The following SLC24A3 variants were observed in gnomAD, a reference collection of about 807,000 sequenced individuals.
The protein encoded by SLC24A3 is sodium/potassium/calcium exchanger 3.
SLC24A3 carries 28 observed loss-of-function variants against 75.8 expected under a neutral mutation model. The ratio of observed to expected loss-of-function variants is 0.37; its 90% CI spans 0.27 to 0.51. The LOEUF is 0.51. SLC24A3 is among the 20% of genes least tolerant of loss of function. The pLI is 0.94. For synonymous variants in SLC24A3, 372 were observed against 334.1 expected (o/e 1.11, Z -1.24); for missense variants, 663 against 847.8 (o/e 0.78, Z 2.71).
At chr20:19,717,355 C>A (rs531195623) in intron 15 of SLC24A3, among the ~76,000 whole-genome samples, 173 bp from the exon 16 acceptor site, 1 of 152,182 alleles carries the variant, frequency 6.6e-6, no homozygotes, top group African/African-American at 2.4e-5. Context: ...GAACAGCACA[C>A]GTCTCAAGTA....
chr20:19,602,734 A>G (rs2031543162), intron 6 of SLC24A3, among the ~76,000 whole-genome samples: 1 of 152,194 alleles, frequency 6.6e-6, no homozygotes, highest in African/African-American at 2.4e-5. Flanking sequence ...CATCACGTAC[A>G]TGAAATCCCT....
intron 2 of SLC24A3, among the ~76,000 whole-genome samples, chr20:19,440,651 T>TG (rs1987282071): frequency 7.4e-6 from 1 of 134,906 alleles, no homozygotes; most frequent in African/African-American, 3.7e-5. Flanking sequence ...CACTGTTTTT[T>TG]TTTTTTTTTT....
At chr20:19,513,619 A>G (rs930851527) in intron 2 of SLC24A3, among the ~76,000 whole-genome samples, 7 of 151,524 alleles carry the variant, frequency 4.6e-5, no homozygotes, top group Non-Finnish European at 5.9e-5. Context: ...GCTTAGAAAA[A>G]TCCTCCCATA....
chr20:19,288,823 T>C (rs1983872713), intron 2 of SLC24A3, among the ~76,000 whole-genome samples: 1 of 152,244 alleles, frequency 6.6e-6, no homozygotes, highest in Non-Finnish European at 1.5e-5. Flanking sequence ...AGGGGGCCTG[T>C]CGACTGTCTT....
chr20:19,674,647 G>C (rs2032503870), intron 9 of SLC24A3, among the ~76,000 whole-genome samples: 1 of 152,170 alleles, frequency 6.6e-6, no homozygotes. Flanking sequence ...CACACTCAAG[G>C]GGCTGGCATC....
chr20:19,347,989 T>A (rs1985466700), intron 2 of SLC24A3, among the ~76,000 whole-genome samples: 1 of 152,198 alleles, frequency 6.6e-6, no homozygotes, highest in African/African-American at 2.4e-5. Flanking sequence ...CCTTTCCTGG[T>A]GCTGACCTGA....
intron 3 of SLC24A3, among the ~76,000 whole-genome samples, chr20:19,553,517 T>C (rs1332487266): frequency 1.3e-5 from 2 of 152,172 alleles, no homozygotes; most frequent in East Asian, 3.9e-4. Flanking sequence ...ATAGTTCAAA[T>C]TGGAATAATC....
chr20:19,408,295 TA>T (rs1231481675), intron 2 of SLC24A3, among the ~76,000 whole-genome samples: 14 of 152,262 alleles, frequency 9.2e-5, no homozygotes, highest in African/African-American at 3.1e-4. Context: ...ACATTTTTTT[TA>T]AATCTACATA....
chr20:19,678,961 C>T (rs940078261), intron 9 of SLC24A3, among the ~76,000 whole-genome samples: 4 of 151,460 alleles, frequency 2.6e-5, no homozygotes, highest in Non-Finnish European at 1.5e-5. Context: ...CGGGCAGAGA[C>T]GCTCCTCACT....
chr20:19,301,028 G>A (rs374687986), intron 2 of SLC24A3, among the ~76,000 whole-genome samples: 4 of 152,112 alleles, frequency 2.6e-5, no homozygotes, highest in Non-Finnish European at 4.4e-5. Flanking sequence ...CCTCCACACC[G>A]AGCCTCTGAC....
intron 15 of SLC24A3, among the ~76,000 whole-genome samples, chr20:19,711,452 GCA>G (rs1327807908): frequency 2.3e-4 from 34 of 148,746 alleles, no homozygotes; most frequent in African/African-American, 5.2e-4. Flanking sequence ...GCAAACGCGT[GCA>G]CACACACACA....
At chr20:19,532,776 A>G (rs1298849308) in intron 3 of SLC24A3, among the ~76,000 whole-genome samples, 1 of 152,236 alleles carries the variant, frequency 6.6e-6, no homozygotes, top group Non-Finnish European at 1.5e-5. Context: ...GAGACCTGAA[A>G]GTCACAGAAG....
intron 2 of SLC24A3, among the ~76,000 whole-genome samples, chr20:19,483,243 A>G (rs1988084795): frequency 6.6e-6 from 1 of 152,118 alleles, no homozygotes; most frequent in Admixed American, 6.5e-5. Flanking sequence ...TACCCACCCT[A>G]TCCCTGGGGA....
chr20:19,515,409 T>TA, intron 2 of SLC24A3, 79 bp from the exon 3 acceptor site: 1 of 1,378,446 alleles, frequency 7.3e-7, no homozygotes, highest in African/African-American at 1.4e-5. Context: ...GACCCCATGT[T>TA]AAAACCAAGA....
intron 3 of SLC24A3, among the ~76,000 whole-genome samples, chr20:19,567,548 TCA>T (rs2030979629): frequency 3.3e-5 from 5 of 152,128 alleles, no homozygotes; most frequent in Non-Finnish European, 2.9e-5. Context: ...AAACTACCTA[TCA>T]GGTACTATGC....
chr20:19,501,154 A>C (rs1044363800), intron 2 of SLC24A3, among the ~76,000 whole-genome samples: 4 of 152,126 alleles, frequency 2.6e-5, no homozygotes, highest in Admixed American at 2.6e-4. Context: ...TTGACTTATA[A>C]TGGGTGATAT....
intron 2 of SLC24A3, among the ~76,000 whole-genome samples, chr20:19,393,110 T>C (rs1015288531): frequency 1.3e-5 from 2 of 152,246 alleles, no homozygotes; most frequent in Non-Finnish European, 1.5e-5. Context: ...TTAATCTGAT[T>C]ATTAAAAATA....
At position 19,447,193 on chromosome 20, in the gene SLC24A3, T is replaced by C. The variant is rs112686007; in HGVS notation, c.272-68295T>C. ...TCTGTGAAATCTGGGAATACTTACC[T>C]AGGAGGGTGGGTGTAAAAATGAAAT... On this transcript the variant is annotated intron_variant, in intron 2 of 16. Coordinates refer to ENST00000328041, the MANE Select transcript of SLC24A3 (RefSeq NM_020689.4). Among the ~76,000 whole-genome samples, 689 of 152,264 alleles carry C rather than the reference T, an allele frequency of 4.5e-3. 4 individuals carry two copies. The highest frequency in any genetic ancestry group is 0.014 in the South Asian group (66 of 4,822).
At chr20:19,566,848 C>T (rs114774422) in intron 3 of SLC24A3, among the ~76,000 whole-genome samples, 1,988 of 152,230 alleles carry the variant, frequency 0.013, 45 homozygotes, top group African/African-American at 0.045. Context: ...GGGGATTTCA[C>T]TTTTTCAAAA....
Sources: allele counts gnomAD v4.1 joint callset (sites outside exome capture counted in the v4.1 genomes callset), GRCh38; gene constraint gnomAD v4.1.1; transcripts MANE v1.5; gene names NCBI Gene and HGNC (gene_info 2026-07-23, HGNC 2026-07-21).